Variants in PEAK1 observed in about 807,000 individuals in gnomAD.
PEAK1 encodes the protein inactive tyrosine-protein kinase PEAK1.
In PEAK1, 54 loss-of-function variants were observed where a neutral mutation model predicts 124.7. That is an observed-to-expected ratio of 0.43 (90% CI 0.35 to 0.54). The LOEUF (loss-of-function observed/expected upper bound fraction) is 0.54. PEAK1 is among the 20% of genes least tolerant of loss of function. The pLI is 0.01. For synonymous variants in PEAK1, 719 were observed against 760.0 expected, an observed-to-expected ratio of 0.95 and a Z score of 0.89; for missense variants, 2,046 against 2,134.5, an observed-to-expected ratio of 0.96 and a Z score of 0.82.
chr15:77,345,923 T>A, intron 2 of PEAK1: 1 of 984,936 alleles, frequency 1.0e-6, no homozygotes. Context: ...AGCCTACACA[T>A]ACATATTAAT....
intron 1 of PEAK1, chr15:77,402,406 T>C (rs2071449354): frequency 1.0e-6 from 1 of 985,384 alleles, no homozygotes. Flanking sequence ...TCAATCAACA[T>C]ATCACCCATT....
At chr15:77,104,692 G>C (rs577737948), downstream of PEAK1, 1 of 152,358 alleles carries the variant, frequency 6.6e-6, no homozygotes, top group Admixed American at 6.5e-5. Flanking sequence ...GACAGCTAGA[G>C]AGTGAGGGAG....
intron 8 of PEAK1, among the ~76,000 whole-genome samples, chr15:77,151,885 A>C (rs76128344): frequency 0.36 from 54,960 of 151,970 alleles, 10,082 homozygotes; most frequent in Non-Finnish European, 0.38. Context: ...TGTTTTGGTA[A>C]CAGTACCATG....
At chr15:77,357,986 T>C (rs1438189046) in intron 2 of PEAK1, among the ~76,000 whole-genome samples, 1 of 152,180 alleles carries the variant, frequency 6.6e-6, no homozygotes, top group African/African-American at 2.4e-5. Context: ...GTCCTCTGCT[T>C]CAGAGGAAAT....
At chr15:77,245,882 C>A (rs377224700) in intron 6 of PEAK1, among the ~76,000 whole-genome samples, 2 of 152,144 alleles carry the variant, frequency 1.3e-5, no homozygotes, top group South Asian at 2.1e-4. Flanking sequence ...ATTAGTAAGT[C>A]TTGAATCAGG....
chr15:77,226,352 T>A (rs1171049511), intron 6 of PEAK1, among the ~76,000 whole-genome samples: 1 of 151,716 alleles, frequency 6.6e-6, no homozygotes, highest in Non-Finnish European at 1.5e-5. Context: ...GTTGCCATGA[T>A]AACGAATTAG....
At chr15:77,304,640 GGGTTTCAC>G in intron 2 of PEAK1, among the ~76,000 whole-genome samples, 1 of 151,746 alleles carries the variant, frequency 6.6e-6, no homozygotes, top group East Asian at 1.9e-4. Context: ...AGTAGAGATG[GGGTTTCAC>G]TGTGTTAGCC....
At chr15:77,135,496 T>C (rs2053242627) in intron 8 of PEAK1, among the ~76,000 whole-genome samples, 2 of 152,250 alleles carry the variant, frequency 1.3e-5, no homozygotes, top group South Asian at 4.1e-4. Flanking sequence ...CCACTGCTTA[T>C]AGGCTACAAA....
chr15:77,412,587 T>C (rs1345189138), intron 1 of PEAK1, among the ~76,000 whole-genome samples: 1 of 152,234 alleles, frequency 6.6e-6, no homozygotes, highest in Non-Finnish European at 1.5e-5. Flanking sequence ...TACAGATTTT[T>C]ACATAATTGT....
At chr15:77,334,201 T>C in intron 2 of PEAK1, 2 of 982,714 alleles carry the variant, frequency 2.0e-6, no homozygotes, top group Non-Finnish European at 2.4e-6. Context: ...CTGACTTCAG[T>C]ACATTTAGAC....
intron 6 of PEAK1, among the ~76,000 whole-genome samples, chr15:77,250,248 T>TAC (rs1293444339): frequency 1.7e-4 from 12 of 72,590 alleles, no homozygotes; most frequent in African/African-American, 3.4e-4. Flanking sequence ...TGTATATATA[T>TAC]ATATATATAT....
intron 6 of PEAK1, among the ~76,000 whole-genome samples, chr15:77,244,280 TG>T (rs2060482896): frequency 6.6e-6 from 1 of 152,228 alleles, no homozygotes; most frequent in Admixed American, 6.5e-5. Flanking sequence ...TATTTGAGAC[TG>T]AGGTAATTAT....
intron 1 of PEAK1, among the ~76,000 whole-genome samples, chr15:77,405,029 CAG>C (rs1215160297): frequency 2.7e-5 from 4 of 148,996 alleles, no homozygotes; most frequent in Admixed American, 6.7e-5. Flanking sequence ...TTTTTTGAGA[CAG>C]AGTCTTGCTC....
Position 77,258,308 on chromosome 15 carries a change from T to A in PEAK1, c.-274-5782A>T, listed in dbSNP as rs188844884. Among the ~76,000 whole-genome samples, 1,065 of 152,320 alleles carry A rather than the reference T, an allele frequency of 7.0e-3. 9 individuals are homozygous for A. The highest frequency in any genetic ancestry group is 0.024 in the African/African-American group (1,015 of 41,570). On this transcript the variant is annotated intron_variant, in intron 5 of 9. Coordinates refer to ENST00000682557, the MANE Select transcript of PEAK1 (RefSeq NM_001385026.1). Reference sequence around the variant, plus strand: ...TGGGGATGGCATTGAATCTATAAATTACCTTGGGCAGTATGGCCTTTTTCA... The same window carrying A: ...TGGGGATGGCATTGAATCTATAAATAACCTTGGGCAGTATGGCCTTTTTCA...
At position 77,111,766 on chromosome 15, in the gene PEAK1, G is replaced by A. The variant is rs1255146829; in HGVS notation, c.*2390C>T. On this transcript the variant is annotated 3_prime_UTR_variant, in exon 10 of 10. Coordinates refer to ENST00000682557, the MANE Select transcript of PEAK1 (RefSeq NM_001385026.1). ...TAAGTAGAGACATAACAAATAGAGG[G>A]ACCAGGAAACATTCAGCATTAAATA... is the stretch of plus-strand genomic sequence containing the variant. The A allele has an allele frequency of 6.6e-6, 1 of 152,068 alleles. No individual in the cohort carries two copies. Among genetic ancestry groups the A allele is most frequent in the Non-Finnish European group, 1.5e-5 (1 of 68,018 alleles). The allele number at this position is 152,068 out of a possible 1,614,324, so 9.4% of individuals were successfully genotyped here.
At chr15:77,416,874 C>T (rs899847417) in intron 1 of PEAK1, among the ~76,000 whole-genome samples, 1 of 152,120 alleles carries the variant, frequency 6.6e-6, no homozygotes, top group African/African-American at 2.4e-5. Context: ...TTTGGATATA[C>T]TGAGTTTATA....
intron 6 of PEAK1, among the ~76,000 whole-genome samples, chr15:77,225,092 G>T (rs761074362): frequency 8.6e-5 from 13 of 151,880 alleles, no homozygotes; most frequent in African/African-American, 2.9e-4. Context: ...CTTAGCTTAG[G>T]TTTCAAAATC....
At position 77,383,454 on chromosome 15, in the gene PEAK1, G is replaced by A. The variant is rs556436692; in HGVS notation, c.-665-18229C>T. Among the ~76,000 whole-genome samples, 7 of 152,272 alleles carry A rather than the reference G, an allele frequency of 4.6e-5. No individual in the cohort carries two copies. In the East Asian group the frequency reaches 1.2e-3, roughly 25 times the overall value. ...GTTCCTTTTTGATCTTTTTAGGTAGGATAACTGTTAAAGGATACATAAAAA... is the reference window on the plus strand; with the variant it reads ...GTTCCTTTTTGATCTTTTTAGGTAGAATAACTGTTAAAGGATACATAAAAA... On this transcript the variant is annotated intron_variant, in intron 1 of 9. Transcript: ENST00000682557.
intron 8 of PEAK1, among the ~76,000 whole-genome samples, chr15:77,142,474 A>T (rs888972531): frequency 6.6e-6 from 1 of 152,268 alleles, no homozygotes; most frequent in African/African-American, 2.4e-5. Context: ...TACCCAAGAC[A>T]ACTGAAAACA....
Sources: gnomAD v4.1 joint callset for allele counts (sites outside exome capture counted in the v4.1 genomes callset) on GRCh38, gnomAD v4.1.1 for gene constraint, MANE v1.5 for transcripts, NCBI Gene and HGNC (gene_info 2026-07-23, HGNC 2026-07-21) for gene names.